DDI2: variants seen among roughly 807,000 people sequenced by gnomAD.
The protein encoded by DDI2 is DDI proteasomal shuttling factor 2, also known as protein DDI1 homolog 2.
DDI2 carries 5 observed loss-of-function variants against 48.1 expected under a neutral mutation model. That is an observed-to-expected ratio of 0.10 (90% confidence interval 0.05 to 0.22). DDI2 has a LOEUF of 0.22. DDI2 is among the 10% of genes least tolerant of loss of function. DDI2 has a pLI of 1.00. For missense variants in DDI2, 285 were observed against 506.2 expected (o/e 0.56, Z 4.19); for synonymous variants, 205 against 183.6 (o/e 1.12, Z -0.94).
Position 15,633,894 on chromosome 1 carries a change from C to T in DDI2, c.632+329C>T, listed in dbSNP as rs1639886430. On this transcript the variant is annotated intron_variant, in intron 4 of 9. Transcript: ENST00000480945. ...GCCACCATCTGGTGAGACCACAAGG[C>T]TGGTTGCATATTACATGGGCTGATT... 3 of 444,936 alleles carry T rather than the reference C, an allele frequency of 6.7e-6. No individual in the cohort carries two copies. In the Admixed American group the frequency reaches 7.8e-5, roughly 12 times the overall value. The allele number at this position is 444,936 out of a possible 1,614,324, so 27.6% of individuals were successfully genotyped here.
At chr1:15,646,249 A>G (rs1640088432) in intron 6 of DDI2, among the ~76,000 whole-genome samples, 1 of 152,232 alleles carries the variant, frequency 6.6e-6, no homozygotes, top group African/African-American at 2.4e-5. Context: ...TCCTATCTGC[A>G]GAAGTATTTA....
intron 4 of DDI2, among the ~76,000 whole-genome samples, chr1:15,634,972 A>G (rs558114565): frequency 5.9e-5 from 9 of 152,296 alleles, no homozygotes; most frequent in Admixed American, 2.0e-4. Context: ...AATACAGGCT[A>G]GTCCTGGTGG....
intron 1 of DDI2, among the ~76,000 whole-genome samples, chr1:15,626,006 G>A (rs1336314072): frequency 1.3e-5 from 2 of 152,204 alleles, no homozygotes; most frequent in Admixed American, 1.3e-4. Flanking sequence ...CAGTGTTCAA[G>A]ATTATTTCAA....
intron 5 of DDI2, among the ~76,000 whole-genome samples, chr1:15,638,637 C>T (rs1570977127): frequency 6.7e-6 from 1 of 149,062 alleles, no homozygotes; most frequent in South Asian, 2.1e-4. Flanking sequence ...TCAGTTCAAG[C>T]GATTCTCCAG....
intron 5 of DDI2, among the ~76,000 whole-genome samples, chr1:15,641,185 C>G (rs1417335056): frequency 2.0e-5 from 3 of 152,084 alleles, no homozygotes; most frequent in African/African-American, 4.8e-5. Flanking sequence ...GAAAATGGTG[C>G]TATTGGCCCA....
intron 6 of DDI2, among the ~76,000 whole-genome samples, chr1:15,644,335 C>G (rs1455710387): frequency 6.6e-6 from 1 of 152,164 alleles, no homozygotes; most frequent in African/African-American, 2.4e-5. Context: ...ATCTGCCCCT[C>G]AGTTTATTGG....
chr1:15,621,546 G>C (rs1639665196), intron 1 of DDI2, among the ~76,000 whole-genome samples: 1 of 151,964 alleles, frequency 6.6e-6, no homozygotes, highest in African/African-American at 2.4e-5. Context: ...TACGACATAT[G>C]ACTAATTTTT....
In DDI2 at chr1:15,630,622, C is replaced by T. The variant is rs1639828136; in HGVS notation, c.505+61C>T. ...CTGAGGTGAAGAAGCTGTGTCATAG[C>T]AAATGTGAAGAGACTCAAGCGACAC... On this transcript the variant is annotated intron_variant, in intron 3 of 9. Transcript: ENST00000480945. 4.3e-6 allele frequency: 5 copies of T among 1,153,486 alleles called. No individual in the cohort carries two copies. The Admixed American group carries it at 8.6e-5, about 20-fold the overall frequency. The allele number at this position is 1,153,486 out of a possible 1,614,324, so 71.5% of individuals were successfully genotyped here.
chr1:15,633,761 G>C (rs1301794258), intron 4 of DDI2, 196 bp downstream of exon 4: 1 of 745,042 alleles, frequency 1.3e-6, no homozygotes, highest in Admixed American at 2.1e-5. Context: ...AAAGATATAG[G>C]TGCTTAGTTT....
At chr1:15,626,537 T>C in intron 1 of DDI2, 132 bp from the exon 2 acceptor site, 1 of 1,295,792 alleles carries the variant, frequency 7.7e-7, no homozygotes, top group South Asian at 1.4e-5. Context: ...GGTTTTGTTC[T>C]GGATGTGGTG....
intron 7 of DDI2, among the ~76,000 whole-genome samples, 187 bp from the exon 8 acceptor site, chr1:15,651,519 G>A (rs958813194): frequency 6.6e-6 from 1 of 152,038 alleles, no homozygotes; most frequent in African/African-American, 2.4e-5. Flanking sequence ...GGGTTTCACC[G>A]TGTTGGCCAG....
chr1:15,644,577 AG>A (rs1640057314), intron 6 of DDI2, among the ~76,000 whole-genome samples: 10 of 117,688 alleles, frequency 8.5e-5, no homozygotes, highest in Non-Finnish European at 1.4e-4. Flanking sequence ...TTTTCTTTTC[AG>A]TTTTTTTTGT....
intron 4 of DDI2, among the ~76,000 whole-genome samples, chr1:15,636,603 C>T (rs1639933487): frequency 6.6e-6 from 1 of 152,194 alleles, no homozygotes; most frequent in South Asian, 2.1e-4. Context: ...TCCTGAATAG[C>T]TGAGACTACA....
rs907147036 is a variant in DDI2 at position 15,665,892 on chromosome 1, G to A, written c.*6102G>A. ...TCACTGGCAGTGTGTCCCAAGAGAA[G>A]CTGACCAGATTATGCATTCTACTGT... On this transcript the variant is annotated 3_prime_UTR_variant, in exon 10 of 10. Coordinates refer to ENST00000480945, the MANE Select transcript of DDI2 (RefSeq NM_032341.5). 6.6e-6 allele frequency: 1 copy of A among 152,100 alleles called. No individual in the cohort carries two copies. Among genetic ancestry groups the A allele is most frequent in the African/African-American group, 2.4e-5 (1 of 41,404 alleles). 9.4% of individuals were successfully genotyped at this position (152,100 alleles called of 1,614,324 possible). A position where few individuals can be genotyped will look rare whatever the true frequency, so the allele number is the denominator to read the frequency against.
At position 15,651,833 on chromosome 1, in the gene DDI2, G is replaced by T. The variant is rs755808289; in HGVS notation, c.1121G>T (p.Arg374Leu). Reference protein sequence around the residue: ...LAYGAGREDVRPEEIADQELA... With the variant: ...LAYGAGREDVLPEEIADQELA... ...TATGGGGCTGGAAGAGAGGATGTACGGCCAGAGGAGATTGCAGACCAAGAA... is the reference window on the plus strand; with the variant it reads ...TATGGGGCTGGAAGAGAGGATGTACTGCCAGAGGAGATTGCAGACCAAGAA... The change falls in exon 8 of 10, where the codon CGG (arginine) becomes CTG (leucine). Residue 374 changes from arginine to leucine, a missense_variant. By Grantham distance (102) the Arg-to-Leu change is moderately radical (BLOSUM62 -2). Around this residue, in one of 3 missense-constraint regions of DDI2, gnomAD observed 66 missense variants for 87.3 expected, o/e 0.76. Coordinates refer to ENST00000480945, the MANE Select transcript of DDI2 (RefSeq NM_032341.5). 1.9e-6 allele frequency: 3 copies of T among 1,613,934 alleles called. No individual in the cohort carries two copies. The highest frequency in any genetic ancestry group is 2.5e-6 in the Non-Finnish European group (3 of 1,179,940).
chr1:15,661,791 C>T lies in DDI2; in HGVS notation c.*2001C>T, dbSNP rs192574102. ...AAAGAAAGCTCTCTCTATATACACG[C>T]ACACATACACACTCACCACATATAC... On this transcript the variant is annotated 3_prime_UTR_variant, in exon 10 of 10. Transcript: ENST00000480945. 77 of 1,490,684 alleles carry T rather than the reference C, an allele frequency of 5.2e-5. No individual in the cohort carries two copies. In the East Asian group the frequency reaches 1.7e-3, roughly 33 times the overall value. The allele number at this position is 1,490,684 out of a possible 1,614,324, so 92.3% of individuals were successfully genotyped here.
intron 8 of DDI2, among the ~76,000 whole-genome samples, chr1:15,653,064 A>G (rs1158409922): frequency 6.6e-6 from 1 of 152,028 alleles, no homozygotes; most frequent in Non-Finnish European, 1.5e-5. Context: ...AGCTCAGTCC[A>G]TTGCTGTGTT....
chr1:15,647,441 G>A (rs201449599), intron 6 of DDI2, among the ~76,000 whole-genome samples: 2 of 152,072 alleles, frequency 1.3e-5, no homozygotes, highest in Non-Finnish European at 2.9e-5. Flanking sequence ...GAGCTGCTGC[G>A]CCTGGCTGGT....
chr1:15,651,976 C>G (rs977192399), intron 8 of DDI2, 81 bp downstream of exon 8: 2 of 1,397,048 alleles, frequency 1.4e-6, no homozygotes, highest in African/African-American at 1.5e-5. Flanking sequence ...GGGGTAGGAA[C>G]CTTTCCAGTT....
Sources: allele counts gnomAD v4.1 joint callset (sites outside exome capture counted in the v4.1 genomes callset), GRCh38; gene constraint gnomAD v4.1.1; regional missense constraint gnomAD v4.1.1; transcripts MANE v1.5; gene names NCBI Gene and HGNC (gene_info 2026-07-23, HGNC 2026-07-21).